The following CPNE4 variants were observed in gnomAD, a reference collection of about 807,000 sequenced individuals.
The protein encoded by CPNE4 is copine 4, also known as copine-4.
CPNE4 carries 25 observed loss-of-function variants against 67.9 expected under a neutral mutation model. That is an observed-to-expected ratio of 0.37 (90% CI 0.27 to 0.51). The LOEUF (loss-of-function observed/expected upper bound fraction) is 0.51, where lower values mean the gene tolerates loss of function less well. Among genes scored for constraint, CPNE4 ranks in the 20% least tolerant of loss-of-function variants. The probability of loss-of-function intolerance (pLI) is 0.93; values close to 1 mark genes in which losing one functional copy is unlikely to be tolerated. For missense variants in CPNE4, 464 were observed against 690.8 expected (o/e 0.67, Z 3.68); for synonymous variants, 242 against 244.9 (o/e 0.99, Z 0.11).
At chr3:132,027,811 GC>G (rs1389205130) in intron 1 of CPNE4, among the ~76,000 whole-genome samples, 1 of 111,806 alleles carries the variant, frequency 8.9e-6, no homozygotes, top group East Asian at 2.1e-4. Context: ...CATCTTAAAA[GC>G]CTTCTTTGTC....
intron 1 of CPNE4, among the ~76,000 whole-genome samples, chr3:131,935,151 AT>A (rs1255397116): frequency 2.0e-5 from 3 of 152,122 alleles, no homozygotes; most frequent in East Asian, 1.9e-4. Context: ...CCCATGTGTG[AT>A]TTTTTTCCAG....
intron 2 of CPNE4, among the ~76,000 whole-genome samples, chr3:131,810,771 A>G (rs1213760205): frequency 6.6e-6 from 1 of 152,152 alleles, no homozygotes; most frequent in East Asian, 1.9e-4. Context: ...TAGCCAAGAT[A>G]TGTAAACAAC....
At chr3:131,981,100 G>A (rs2072896245) in intron 1 of CPNE4, among the ~76,000 whole-genome samples, 1 of 152,064 alleles carries the variant, frequency 6.6e-6, no homozygotes, top group South Asian at 2.1e-4. Context: ...GAGGTGGTGG[G>A]GGATGCAATG....
chr3:131,697,545 A>T (rs1403100873), intron 4 of CPNE4, among the ~76,000 whole-genome samples: 1 of 152,192 alleles, frequency 6.6e-6, no homozygotes, highest in Non-Finnish European at 1.5e-5. Flanking sequence ...TATTTTGGAA[A>T]ATTTAAATTA....
intron 2 of CPNE4, among the ~76,000 whole-genome samples, chr3:131,819,489 G>GAAACACAC (rs2084875730): frequency 1.0e-5 from 1 of 96,992 alleles, no homozygotes. Flanking sequence ...GACACACACA[G>GAAACACAC]ATACACACAC....
At chr3:131,704,444 G>A (rs2081372709) in intron 3 of CPNE4, among the ~76,000 whole-genome samples, 1 of 152,184 alleles carries the variant, frequency 6.6e-6, no homozygotes, top group Non-Finnish European at 1.5e-5. Flanking sequence ...ATGGGTGCCT[G>A]ACTTGTCCCA....
chr3:131,996,439 T>A (rs1370992861), intron 1 of CPNE4, among the ~76,000 whole-genome samples: 1 of 151,058 alleles, frequency 6.6e-6, no homozygotes, highest in African/African-American at 2.4e-5. Flanking sequence ...CAGAGAAAGA[T>A]GAGAACTAGA....
intron 1 of CPNE4, among the ~76,000 whole-genome samples, chr3:131,921,828 G>A (rs1035606351): frequency 6.6e-6 from 1 of 152,168 alleles, no homozygotes; most frequent in African/African-American, 2.4e-5. Flanking sequence ...CAAAGACCAA[G>A]TCAGTGATCA....
intron 2 of CPNE4, among the ~76,000 whole-genome samples, chr3:131,854,266 G>A (rs1411652602): frequency 1.2e-4 from 18 of 151,750 alleles, no homozygotes; most frequent in Admixed American, 8.5e-4. Flanking sequence ...AGAGAGAGTG[G>A]CCAAACAAAA....
At chr3:131,975,618 G>A (rs542413209) in intron 1 of CPNE4, among the ~76,000 whole-genome samples, 127 of 152,234 alleles carry the variant, frequency 8.3e-4, no homozygotes, top group African/African-American at 2.7e-3. Flanking sequence ...AATAAACACC[G>A]TGACATTTAC....
intron 3 of CPNE4, among the ~76,000 whole-genome samples, chr3:131,703,483 G>A (rs2081351357): frequency 6.6e-6 from 1 of 152,184 alleles, no homozygotes; most frequent in African/African-American, 2.4e-5. Context: ...TCCACCCACG[G>A]ATCTGGGGAG....
intron 2 of CPNE4, among the ~76,000 whole-genome samples, chr3:131,855,110 C>G (rs969363019): frequency 1.3e-5 from 2 of 151,842 alleles, no homozygotes; most frequent in Admixed American, 6.6e-5. Context: ...TCACATAAGC[C>G]TCTTTCTGGG....
intron 7 of CPNE4, among the ~76,000 whole-genome samples, chr3:131,642,594 C>T (rs1361515614): frequency 6.6e-6 from 1 of 152,052 alleles, no homozygotes; most frequent in Non-Finnish European, 1.5e-5. Context: ...TCCCATAATC[C>T]CCACATGTCA....
At chr3:131,772,645 G>A (rs982009694) in intron 2 of CPNE4, among the ~76,000 whole-genome samples, 5 of 152,098 alleles carry the variant, frequency 3.3e-5, no homozygotes, top group Admixed American at 1.3e-4. Context: ...GCCTGGTAAC[G>A]CTCCGTCAAT....
At chr3:131,973,833 C>T (rs1440350541) in intron 1 of CPNE4, among the ~76,000 whole-genome samples, 5 of 152,172 alleles carry the variant, frequency 3.3e-5, no homozygotes, top group Admixed American at 6.5e-5. Context: ...ATAGGAATAA[C>T]GTCAAAAGCA....
chr3:131,876,636 C>A lies in CPNE4; in HGVS notation c.180+28628G>T, dbSNP rs1292894233. 4.0e-4 allele frequency among the ~76,000 whole-genome samples: 13 copies of A among 32,376 alleles called. No homozygotes were observed. In the East Asian group the frequency reaches 4.7e-3, roughly 12 times the overall value. 21.2% of individuals were successfully genotyped at this position (32,376 alleles called of 152,430 possible). On this transcript the variant is annotated intron_variant, in intron 2 of 15. Transcript: ENST00000429747. ...CAGCCTGGGCGACAGAGCAAGACTC[C>A]GTCTCAAAAAAAAAAAAAAAGAAAG...
chr3:131,840,125 T>C (rs1256739844), intron 2 of CPNE4, among the ~76,000 whole-genome samples: 1 of 152,056 alleles, frequency 6.6e-6, no homozygotes, highest in Non-Finnish European at 1.5e-5. Context: ...TCAGGGTGAG[T>C]AGAAACATTT....
At chr3:131,731,613 C>A (rs1005437149) in intron 2 of CPNE4, among the ~76,000 whole-genome samples, 1 of 152,118 alleles carries the variant, frequency 6.6e-6, no homozygotes, top group Non-Finnish European at 1.5e-5. Flanking sequence ...TTGTCTTTTG[C>A]CCCAGTCCAC....
chr3:131,621,942 G>A (rs1371376059), intron 7 of CPNE4, among the ~76,000 whole-genome samples: 1 of 150,262 alleles, frequency 6.7e-6, no homozygotes, highest in East Asian at 2.0e-4. Flanking sequence ...GAGCCCCAGA[G>A]GTGGAGACTG....
Sources: allele counts gnomAD v4.1 joint callset (sites outside exome capture counted in the v4.1 genomes callset), GRCh38; gene constraint gnomAD v4.1.1; transcripts MANE v1.5; gene names NCBI Gene and HGNC (gene_info 2026-07-23, HGNC 2026-07-21).